Variants in BCKDHB observed in about 807,000 individuals in gnomAD.
BCKDHB encodes the protein 2-oxoisovalerate dehydrogenase subunit beta, mitochondrial.
Under a neutral mutation model 48.5 loss-of-function variants are expected in BCKDHB, and 41 were observed. That is an observed-to-expected ratio of 0.85 (90% CI 0.66 to 1.10). The LOEUF is 1.10. Among genes scored for constraint, BCKDHB ranks in the 50% least tolerant of loss-of-function variants. BCKDHB has a pLI of 0.00. For missense variants in BCKDHB, 496 were observed against 494.2 expected (o/e 1.00, Z -0.03); for synonymous variants, 201 against 174.8 (o/e 1.15, Z -1.18).
intron 1 of BCKDHB, among the ~76,000 whole-genome samples, chr6:80,124,171 A>C (rs1027777527): frequency 1.3e-5 from 2 of 152,190 alleles, no homozygotes; most frequent in African/African-American, 4.8e-5. Flanking sequence ...ATTCAGGAGC[A>C]GGTTGTTCAG....
intron 8 of BCKDHB, among the ~76,000 whole-genome samples, chr6:80,257,359 TTA>T (rs1777094759): frequency 6.7e-6 from 1 of 149,658 alleles, no homozygotes; most frequent in East Asian, 1.9e-4. Context: ...ACACACACAC[TTA>T]TATTGTGTAT....
intron 8 of BCKDHB, among the ~76,000 whole-genome samples, chr6:80,251,560 C>T (rs1776838857): frequency 6.6e-6 from 1 of 152,180 alleles, no homozygotes; most frequent in Admixed American, 6.5e-5. Context: ...TAGAATTCAT[C>T]CCTTCTGCCA....
chr6:80,200,741 A>G (rs1379344621), intron 6 of BCKDHB, among the ~76,000 whole-genome samples, 193 bp from the exon 7 acceptor site: 3 of 152,154 alleles, frequency 2.0e-5, no homozygotes, highest in East Asian at 1.9e-4. Flanking sequence ...ATACATTTAT[A>G]TTGCATTTAT....
At chr6:80,275,587 T>C (rs972978492) in intron 9 of BCKDHB, among the ~76,000 whole-genome samples, 3 of 152,004 alleles carry the variant, frequency 2.0e-5, no homozygotes, top group African/African-American at 7.2e-5. Flanking sequence ...TTTAGTAAAA[T>C]TTAGTGAGCA....
intron 9 of BCKDHB, among the ~76,000 whole-genome samples, chr6:80,336,806 CAT>C (rs1769614974): frequency 6.6e-6 from 1 of 151,978 alleles, no homozygotes; most frequent in African/African-American, 2.4e-5. Flanking sequence ...CTGTGCATCT[CAT>C]GTGCATGGTG....
At chr6:80,228,661 A>T (rs1232093885) in intron 8 of BCKDHB, among the ~76,000 whole-genome samples, 1 of 151,952 alleles carries the variant, frequency 6.6e-6, no homozygotes, top group Non-Finnish European at 1.5e-5. Flanking sequence ...GATGGGTTTT[A>T]TGTTTATTTA....
At position 80,273,152 on chromosome 6, in the gene BCKDHB, G is replaced by T. The variant is rs764707388; in HGVS notation, c.969G>T (p.Gly323=). ...DTICKSVIKT[G]RLLISHEAPL... is the part of the protein sequence containing the mutation. ...TCTTTCAGTCTGTGATCAAAACAGG[G>T]CGACTGCTAATCAGTCACGAGGCTC... The change falls in exon 9 of 10, where the codon GGG becomes GGT. Residue 323 remains glycine, a synonymous_variant. Coordinates refer to ENST00000320393, the MANE Select transcript of BCKDHB (RefSeq NM_183050.4). The T allele has an allele frequency of 4.8e-5, 77 of 1,613,208 alleles. No individual in the cohort carries two copies. Among genetic ancestry groups the T allele is most frequent in the Non-Finnish European group, 6.3e-5 (74 of 1,179,616 alleles).
intron 3 of BCKDHB, among the ~76,000 whole-genome samples, chr6:80,142,336 T>A (rs942184320): frequency 1.3e-5 from 2 of 152,072 alleles, no homozygotes; most frequent in African/African-American, 4.8e-5. Context: ...CTAATATGAG[T>A]TATAAATACT....
chr6:80,236,485 A>G lies in BCKDHB; in HGVS notation c.951+33273A>G, dbSNP rs117621717. ...AAAAGTGAAAATTTTATCTAAGAAA[A>G]TAAATGTAAGTTTAGGTTTCTGAGG... On this transcript the variant is annotated intron_variant, in intron 8 of 9. Coordinates refer to ENST00000320393, the MANE Select transcript of BCKDHB (RefSeq NM_183050.4). 9.7e-3 allele frequency among the ~76,000 whole-genome samples: 1,473 copies of G among 152,366 alleles called. 14 individuals carry two copies. The highest frequency in any genetic ancestry group is 0.017 in the Non-Finnish European group (1,150 of 68,040).
chr6:80,162,889 C>T (rs1385049818), intron 3 of BCKDHB, among the ~76,000 whole-genome samples: 2 of 151,880 alleles, frequency 1.3e-5, no homozygotes, highest in South Asian at 2.1e-4. Flanking sequence ...CCCATATTCC[C>T]CTCTAGTGAC....
the BCKDHB span, among the ~76,000 whole-genome samples, chr6:80,381,391 C>G: frequency 2.6e-5 from 4 of 151,994 alleles, no homozygotes; most frequent in South Asian, 2.1e-4. Flanking sequence ...ATATATTTTG[C>G]CTTTTGTACA....
At chr6:80,175,619 T>C (rs985905143) in intron 6 of BCKDHB, among the ~76,000 whole-genome samples, 2 of 152,182 alleles carry the variant, frequency 1.3e-5, no homozygotes, top group African/African-American at 4.8e-5. Flanking sequence ...GAACAAGAAC[T>C]GGAAACAACA....
At chr6:80,339,045 T>C (rs933711094) in intron 9 of BCKDHB, among the ~76,000 whole-genome samples, 30 of 152,030 alleles carry the variant, frequency 2.0e-4, no homozygotes, top group African/African-American at 7.0e-4. Context: ...CCACGATGTG[T>C]AATGCCTGAG....
chr6:80,397,923 C>G, the BCKDHB span, among the ~76,000 whole-genome samples: 2 of 151,924 alleles, frequency 1.3e-5, no homozygotes, highest in Admixed American at 6.6e-5. Context: ...ACAAAATAAA[C>G]CTTACTGAAA....
chr6:80,431,871 C>G, the BCKDHB span, among the ~76,000 whole-genome samples: 3 of 152,148 alleles, frequency 2.0e-5, no homozygotes, highest in Non-Finnish European at 4.4e-5. Context: ...TTCAGGAGCT[C>G]TTGTAAGGCA....
chr6:80,115,492 G>T (rs1769642627), intron 1 of BCKDHB, among the ~76,000 whole-genome samples: 1 of 152,116 alleles, frequency 6.6e-6, no homozygotes, highest in South Asian at 2.1e-4. Flanking sequence ...TAGAGGTTTT[G>T]TTGGGGAAAA....
rs781723847 is a variant in BCKDHB at position 80,200,959 on chromosome 6, C to T, written c.768C>T (p.Tyr256=). Residue 256 remains tyrosine (Y), a synonymous_variant, in exon 7 of 10, where the codon TAC becomes TAT. Transcript: ENST00000320393. ...AAAEEVPIEP[Y]NIPLSQAEVI... ...CGGAAGAAGTCCCTATAGAACCATA[C>T]AACATCCCACTGTCCCAGGCCGAAG... The T allele has an allele frequency of 6.2e-7, 1 of 1,611,492 alleles. No individual in the cohort carries two copies. The highest frequency in any genetic ancestry group is 1.7e-5 in the Admixed American group (1 of 59,900).
chr6:80,339,017 T>G (rs1437276170), intron 9 of BCKDHB, among the ~76,000 whole-genome samples: 1 of 151,806 alleles, frequency 6.6e-6, no homozygotes, highest in African/African-American at 2.4e-5. Flanking sequence ...AAAAAAAAAT[T>G]GTTGAGGATG....
the BCKDHB span, among the ~76,000 whole-genome samples, chr6:80,463,391 T>A: frequency 6.6e-6 from 1 of 152,196 alleles, no homozygotes; most frequent in Non-Finnish European, 1.5e-5. Context: ...GAAAAGTATG[T>A]TTGATTCTTA....
Sources: allele counts gnomAD v4.1 joint callset (sites outside exome capture counted in the v4.1 genomes callset), GRCh38; gene constraint gnomAD v4.1.1; transcripts MANE v1.5; gene names NCBI Gene and HGNC (gene_info 2026-07-23, HGNC 2026-07-21).